The following ZNF525 variants were observed in gnomAD, a reference collection of about 807,000 sequenced individuals.
ZNF525 encodes zinc finger protein 525.
Under a neutral mutation model 37.6 loss-of-function variants are expected in ZNF525, and 33 were observed. That is an observed-to-expected ratio of 0.88 (90% CI 0.67 to 1.17). ZNF525 has a LOEUF of 1.17. Among genes scored for constraint, ZNF525 ranks in the 50% most tolerant of loss-of-function variants. The probability of loss-of-function intolerance (pLI) is 0.00; values close to 1 mark genes in which losing one functional copy is unlikely to be tolerated. For synonymous variants in ZNF525, 170 were observed against 182.3 expected (o/e 0.93, Z 0.54); for missense variants, 449 against 543.1 (o/e 0.83, Z 1.72).
In ZNF525 at chr19:53,380,836, C is replaced by G. The variant is rs779425086; in HGVS notation, c.257C>G (p.Ser86Cys). The change falls in exon 4 of 4, where the codon TCC becomes TGC. Residue 86 changes from serine (S) to cysteine (C), a missense_variant. Ser to Cys is a moderately radical substitution (Grantham distance 112). Coordinates refer to ENST00000474037, the MANE Select transcript of ZNF525 (RefSeq NM_001348156.2). ...GAACGTCATCACATTGGAGATTTTTCCTTCCAGGAAATTGAGAAAGATATT... is the reference window on the plus strand; with the variant it reads ...GAACGTCATCACATTGGAGATTTTTGCTTCCAGGAAATTGAGAAAGATATT... ...RHERHHIGDFSFQEIEKDIHN... is the reference protein window; with the variant it reads ...RHERHHIGDFCFQEIEKDIHN... 4 of 1,445,372 alleles carry G rather than the reference C, an allele frequency of 2.8e-6. No individual in the cohort carries two copies. The East Asian group carries it at 6.8e-5, about 25-fold the overall frequency. 89.5% of individuals were successfully genotyped at this position (1,445,372 alleles called of 1,614,324 possible).
intron 3 of ZNF525, chr19:53,376,419 T>C: frequency 1.6e-6 from 1 of 633,456 alleles, no homozygotes; most frequent in South Asian, 1.8e-5. Flanking sequence ...CATTGCCTTT[T>C]TGTTACATAT....
intron 1 of ZNF525, among the ~76,000 whole-genome samples, chr19:53,370,159 G>A (rs181146038): frequency 6.0e-5 from 9 of 150,880 alleles, no homozygotes; most frequent in Admixed American, 3.3e-4. Context: ...GGTGGCCCAC[G>A]CCTGTAATCC....
At position 53,380,758 on chromosome 19, in the gene ZNF525, C is replaced by T; in HGVS notation, c.179C>T (p.Ser60Leu). ...AAATGCACAATGAAGGAGTTCTCATCAACAGCACAAGGCAATACAGAAGTG... is the reference window on the plus strand; with the variant it reads ...AAATGCACAATGAAGGAGTTCTCATTAACAGCACAAGGCAATACAGAAGTG... ...SSKCTMKEFS[S>L]TAQGNTEVIH... Residue 60 changes from serine (S) to leucine (L), a missense_variant, in exon 4 of 4, where the codon TCA (serine) becomes TTA (leucine). Physicochemically the swap from Ser to Leu is moderately radical, Grantham distance 145. Coordinates refer to ENST00000474037, the MANE Select transcript of ZNF525 (RefSeq NM_001348156.2). 1 of 1,325,404 alleles carries T rather than the reference C, an allele frequency of 7.5e-7. No homozygotes were observed. Among genetic ancestry groups the T allele is most frequent in the Non-Finnish European group, 1.1e-6 (1 of 921,534 alleles). 82.1% of individuals were successfully genotyped at this position (1,325,404 alleles called of 1,614,324 possible).
chr19:53,367,763 A>G (rs2085458567), intron 1 of ZNF525, among the ~76,000 whole-genome samples: 1 of 152,202 alleles, frequency 6.6e-6, no homozygotes, highest in South Asian at 2.1e-4. Flanking sequence ...AACTTTCTAC[A>G]TACTCCTCCT....
rs2085602597 is a variant in ZNF525 at position 53,385,856 on chromosome 19, A to G, written c.*3837A>G. On this transcript the variant is annotated 3_prime_UTR_variant, in exon 4 of 4. Coordinates refer to ENST00000474037, the MANE Select transcript of ZNF525 (RefSeq NM_001348156.2). ...GACAGTGATGCATGAAGCAGCAGGC[A>G]GACCTTCCACATCATTTTTACAGAA... The G allele has an allele frequency of 2.4e-5, 4 of 165,740 alleles. No homozygotes were observed. The South Asian group carries it at 4.7e-4, about 19-fold the overall frequency. 10.3% of individuals were successfully genotyped at this position (165,740 alleles called of 1,614,324 possible).
In ZNF525 at chr19:53,383,178, A is replaced by G. The variant is rs996078592; in HGVS notation, c.*1159A>G. Reference sequence around the variant, plus strand: ...AAGTGTAATGAGTGTGGCAAGACCTACTCTCACAATTCAGTCCTTGTAATT... The same window carrying G: ...AAGTGTAATGAGTGTGGCAAGACCTGCTCTCACAATTCAGTCCTTGTAATT... On this transcript the variant is annotated 3_prime_UTR_variant, in exon 4 of 4. Transcript: ENST00000474037. 46 of 1,353,426 alleles carry G rather than the reference A, an allele frequency of 3.4e-5. No homozygotes were observed. The highest frequency in any genetic ancestry group is 4.3e-5 in the Non-Finnish European group (42 of 966,820). The allele number at this position is 1,353,426 out of a possible 1,614,324, so 83.8% of individuals were successfully genotyped here.
intron 1 of ZNF525, among the ~76,000 whole-genome samples, chr19:53,368,252 T>G (rs188565604): frequency 2.0e-4 from 31 of 152,264 alleles, no homozygotes; most frequent in Middle Eastern, 3.4e-3. Context: ...GCTGATACTA[T>G]GTGTGGTTTA....
At position 53,382,883 on chromosome 19, in the gene ZNF525, A is replaced by G; in HGVS notation, c.*864A>G. On this transcript the variant is annotated 3_prime_UTR_variant, in exon 4 of 4. Transcript: ENST00000474037. ...CCTTGAAAGTCATAGGAGAATTCAT[A>G]CTAGAGAGAAACCTTACAAGTGTAA... 7.1e-7 allele frequency: 1 copy of G among 1,403,412 alleles called. No homozygotes were observed. The highest frequency in any genetic ancestry group is 1.2e-5 in the South Asian group (1 of 86,692). 86.9% of individuals were successfully genotyped at this position (1,403,412 alleles called of 1,614,324 possible). A position where few individuals can be genotyped will look rare whatever the true frequency, so the allele number is the denominator to read the frequency against.
rs924571792 is a variant in ZNF525 at position 53,382,456 on chromosome 19, A to G, written c.*437A>G. The G allele has an allele frequency of 5.3e-5, 40 of 753,080 alleles. No individual in the cohort carries two copies. Among genetic ancestry groups the G allele is most frequent in the Non-Finnish European group, 1.2e-5 (5 of 417,602 alleles). The allele number at this position is 753,080 out of a possible 1,614,324, so 46.6% of individuals were successfully genotyped here. On this transcript the variant is annotated 3_prime_UTR_variant, in exon 4 of 4. Coordinates refer to ENST00000474037, the MANE Select transcript of ZNF525 (RefSeq NM_001348156.2). ...CAGAAGTCATGCCTTACACGCCATCATAGACTTCATACTGGAAATAAATCT... is the reference window on the plus strand; with the variant it reads ...CAGAAGTCATGCCTTACACGCCATCGTAGACTTCATACTGGAAATAAATCT...
rs2085583645 is a variant in ZNF525 at position 53,383,559 on chromosome 19, AACCTT to A, written c.*1543_*1547del. 6.9e-7 allele frequency: 1 copy of A among 1,451,476 alleles called. No individual in the cohort carries two copies. Among genetic ancestry groups the A allele is most frequent in the Non-Finnish European group, 9.3e-7 (1 of 1,070,694 alleles). 89.9% of individuals were successfully genotyped at this position (1,451,476 alleles called of 1,614,324 possible). ...CATCCCAGAGTTCACACTGGAGAGA[AACCTT>A]ACAAGTGTAATGAGTGTGTCAAAGC... On this transcript the variant is annotated 3_prime_UTR_variant, in exon 4 of 4. Coordinates refer to ENST00000474037, the MANE Select transcript of ZNF525 (RefSeq NM_001348156.2).
intron 2 of ZNF525, 94 bp from the exon 3 acceptor site, chr19:53,375,676 T>C: frequency 6.2e-7 from 1 of 1,611,590 alleles, no homozygotes; most frequent in South Asian, 1.1e-5. Flanking sequence ...TCACTGCAAT[T>C]AAATCCATGC....
In ZNF525 at chr19:53,369,873, C is replaced by T. The variant is rs1478536896; in HGVS notation, c.-67-2342C>T. On this transcript the variant is annotated intron_variant, in intron 1 of 3. Coordinates refer to ENST00000474037, the MANE Select transcript of ZNF525 (RefSeq NM_001348156.2). ...CCCAGTAGCTGGGACTACAGGCGCC[C>T]GCCACCACGCCCAGCTAATTTTTTG... 3.0e-4 allele frequency among the ~76,000 whole-genome samples: 42 copies of T among 141,212 alleles called. 2 individuals are homozygous for T. The highest frequency in any genetic ancestry group is 1.1e-3 in the South Asian group (5 of 4,412). The allele number at this position is 141,212 out of a possible 152,430, so 92.6% of individuals were successfully genotyped here.
At position 53,383,486 on chromosome 19, in the gene ZNF525, G is replaced by T. The variant is rs772169610; in HGVS notation, c.*1467G>T. 4.6e-6 allele frequency: 5 copies of T among 1,093,680 alleles called. No individual in the cohort carries two copies. Among genetic ancestry groups the T allele is most frequent in the Middle Eastern group, 2.2e-4 (1 of 4,522 alleles). The allele number at this position is 1,093,680 out of a possible 1,614,324, so 67.7% of individuals were successfully genotyped here. On this transcript the variant is annotated 3_prime_UTR_variant, in exon 4 of 4. Transcript: ENST00000474037. ...CATACTGGAGAGAAACCATAAAAAT[G>T]TAAGAGTTTTTGACAAGGCTTTCGG...
chr19:53,369,311 T>C (rs534760002), intron 1 of ZNF525, among the ~76,000 whole-genome samples: 1 of 152,200 alleles, frequency 6.6e-6, no homozygotes, highest in South Asian at 2.1e-4. Context: ...GGCACAATCT[T>C]GGCCCACTGC....
chr19:53,370,187 G>A (rs546205270), intron 1 of ZNF525, among the ~76,000 whole-genome samples: 2 of 150,654 alleles, frequency 1.3e-5, no homozygotes, highest in East Asian at 4.0e-4. Context: ...TTGGGAGGCT[G>A]AGGCGGGCAG....
Position 53,372,411 on chromosome 19 carries a change from A to G in ZNF525, c.15+115A>G. Reference sequence around the variant, plus strand: ...CTGCCTGACAGGTTTGCTCACATTCACCCATGCCTTCCCTCAGTCCCTCTC... The same window carrying G: ...CTGCCTGACAGGTTTGCTCACATTCGCCCATGCCTTCCCTCAGTCCCTCTC... On this transcript the variant is annotated intron_variant, in intron 2 of 3. Coordinates refer to ENST00000474037, the MANE Select transcript of ZNF525 (RefSeq NM_001348156.2). 3 of 743,746 alleles carry G rather than the reference A, an allele frequency of 4.0e-6. No individual in the cohort carries two copies. In the South Asian group the frequency reaches 4.5e-5, roughly 11 times the overall value. 46.1% of individuals were successfully genotyped at this position (743,746 alleles called of 1,614,324 possible).
At chr19:53,368,025 T>G (rs941396846) in intron 1 of ZNF525, among the ~76,000 whole-genome samples, 17 of 151,716 alleles carry the variant, frequency 1.1e-4, no homozygotes, top group African/African-American at 4.1e-4. Context: ...TTTATGTCTT[T>G]TCTTATGTCT....
rs2085560020 is a variant in ZNF525 at position 53,381,299 on chromosome 19, G to C, written c.720G>C (p.Glu240Asp). Residue 240 changes from glutamate to aspartate, a missense_variant, in exon 4 of 4, where the codon GAG becomes GAC. Physicochemically the swap from Glu to Asp is conservative, Grantham distance 45 (BLOSUM62 2). Coordinates refer to ENST00000474037, the MANE Select transcript of ZNF525 (RefSeq NM_001348156.2). ...AACATCAGATTATTCATCTAGGAGAGAAACAATATAAATGTGATGTATGTG... is the reference window on the plus strand; with the variant it reads ...AACATCAGATTATTCATCTAGGAGACAAACAATATAAATGTGATGTATGTG... Reference protein sequence around the residue: ...LRKHQIIHLGEKQYKCDVCDK... With the variant: ...LRKHQIIHLGDKQYKCDVCDK... The C allele has an allele frequency of 2.7e-6, 4 of 1,473,522 alleles. No homozygotes were observed. The highest frequency in any genetic ancestry group is 3.8e-6 in the Non-Finnish European group (4 of 1,052,002). 91.3% of individuals were successfully genotyped at this position (1,473,522 alleles called of 1,614,324 possible). A position where few individuals can be genotyped will look rare whatever the true frequency, so the allele number is the denominator to read the frequency against.
chr19:53,369,275 T>C (rs555350902), intron 1 of ZNF525, among the ~76,000 whole-genome samples: 1 of 152,170 alleles, frequency 6.6e-6, no homozygotes, highest in African/African-American at 2.4e-5. Context: ...GGAGTTTTGC[T>C]CTTGTTGCCC....
Sources: allele counts gnomAD v4.1 joint callset (sites outside exome capture counted in the v4.1 genomes callset), GRCh38; gene constraint gnomAD v4.1.1; transcripts MANE v1.5; gene names NCBI Gene and HGNC (gene_info 2026-07-23, HGNC 2026-07-21).